NEK7: variants seen among roughly 807,000 people sequenced by gnomAD.
The protein encoded by NEK7 is NIMA related kinase 7.
NEK7 carries 18 observed loss-of-function variants against 44.6 expected under a neutral mutation model. The observed-to-expected ratio is 0.40, with a 90% CI of 0.28 to 0.60. NEK7 has a LOEUF of 0.60. Among genes scored for constraint, NEK7 ranks in the 20% least tolerant of loss-of-function variants. NEK7 has a pLI of 0.38. For synonymous variants in NEK7, 130 were observed against 121.1 expected (o/e 1.07, Z -0.48); for missense variants, 256 against 366.5 (o/e 0.70, Z 2.46).
intron 1 of NEK7, among the ~76,000 whole-genome samples, chr1:198,205,288 G>GA (rs1264358488): frequency 6.6e-6 from 1 of 152,166 alleles, no homozygotes; most frequent in Non-Finnish European, 1.5e-5. Flanking sequence ...GAACTAAACT[G>GA]AAAATAGAGT....
intron 9 of NEK7, among the ~76,000 whole-genome samples, chr1:198,309,902 A>T (rs567307931): frequency 1.3e-5 from 2 of 152,306 alleles, no homozygotes; most frequent in South Asian, 4.1e-4. Context: ...CGCAATAAAC[A>T]TAAGTGTGCA....
intron 4 of NEK7, among the ~76,000 whole-genome samples, chr1:198,263,723 C>A (rs1465288412): frequency 6.6e-6 from 1 of 151,730 alleles, no homozygotes; most frequent in Non-Finnish European, 1.5e-5. Context: ...CCATAACTTC[C>A]AAGTAGGAGT....
rs916197335 is a variant in NEK7 at position 198,193,931 on chromosome 1, C to T, written c.-29+36655C>T. On this transcript the variant is annotated intron_variant, in intron 1 of 9. Transcript: ENST00000367385. ...ACAAGGCAAGGAAGCCCTCTCTCAC[C>T]ACTCCTATTCAACATAGTATTGGAA... is the stretch of plus-strand genomic sequence containing the variant. Among the ~76,000 whole-genome samples the T allele has an allele frequency of 3.3e-5, 5 of 152,192 alleles. No homozygotes were observed. The East Asian group carries it at 5.8e-4, about 18-fold the overall frequency.
intron 5 of NEK7, among the ~76,000 whole-genome samples, chr1:198,270,182 A>G (rs933141907): frequency 5.3e-5 from 8 of 152,024 alleles, no homozygotes; most frequent in African/African-American, 1.9e-4. Context: ...ACTAAAATAT[A>G]TTTTAAATTT....
intron 5 of NEK7, among the ~76,000 whole-genome samples, chr1:198,273,303 G>A (rs1303888128): frequency 6.6e-6 from 1 of 151,684 alleles, no homozygotes; most frequent in African/African-American, 2.4e-5. Context: ...CTTATGCACT[G>A]TAAATTAGTG....
chr1:198,280,463 G>GCAGA (rs1350124698), intron 7 of NEK7, among the ~76,000 whole-genome samples: 15 of 151,976 alleles, frequency 9.9e-5, no homozygotes, highest in Non-Finnish European at 1.9e-4. Flanking sequence ...CTCTGAGCCT[G>GCAGA]CTGTAGTTAT....
chr1:198,207,934 T>C (rs552330727), intron 1 of NEK7, among the ~76,000 whole-genome samples: 1 of 152,340 alleles, frequency 6.6e-6, no homozygotes, highest in African/African-American at 2.4e-5. Context: ...TTCCCAGACA[T>C]CCTAATAGAA....
intron 1 of NEK7, among the ~76,000 whole-genome samples, chr1:198,218,986 G>A (rs1322933960): frequency 6.6e-6 from 1 of 151,802 alleles, no homozygotes; most frequent in East Asian, 1.9e-4. Flanking sequence ...CCACCTCTGT[G>A]GAAAACAATA....
intron 4 of NEK7, 43 bp downstream of exon 4, chr1:198,262,680 T>C: frequency 8.5e-7 from 1 of 1,179,112 alleles, no homozygotes; most frequent in South Asian, 1.4e-5. Flanking sequence ...AACATGGTGA[T>C]AAAAGTGATT....
intron 3 of NEK7, among the ~76,000 whole-genome samples, chr1:198,258,748 A>G (rs1653357801): frequency 6.6e-6 from 1 of 152,226 alleles, no homozygotes; most frequent in Non-Finnish European, 1.5e-5. Context: ...GCTCTTACCA[A>G]GTATAAAATG....
At chr1:198,192,766 G>A (rs1483685998) in intron 1 of NEK7, among the ~76,000 whole-genome samples, 2 of 152,102 alleles carry the variant, frequency 1.3e-5, no homozygotes, top group African/African-American at 4.8e-5. Context: ...TGAAACTAAT[G>A]AGAACAGAGA....
intron 9 of NEK7, among the ~76,000 whole-genome samples, chr1:198,298,039 G>A (rs1174084446): frequency 6.6e-6 from 1 of 152,114 alleles, no homozygotes; most frequent in Admixed American, 6.5e-5. Context: ...GAGGATGTAT[G>A]CAGAATAGCA....
At chr1:198,174,675 C>T (rs558697724) in intron 1 of NEK7, among the ~76,000 whole-genome samples, 1 of 152,196 alleles carries the variant, frequency 6.6e-6, no homozygotes, top group South Asian at 2.1e-4. Flanking sequence ...AGATCAGGGC[C>T]TCAGTTTCCT....
chr1:198,308,462 T>C (rs1039350698), intron 9 of NEK7, among the ~76,000 whole-genome samples: 16 of 152,182 alleles, frequency 1.1e-4, no homozygotes, highest in African/African-American at 3.9e-4. Context: ...AGGCCACACC[T>C]CCTTTAGTGT....
intron 5 of NEK7, among the ~76,000 whole-genome samples, chr1:198,269,518 A>G (rs967074909): frequency 3.9e-5 from 6 of 152,162 alleles, no homozygotes; most frequent in Non-Finnish European, 7.4e-5. Context: ...TTAAAGCTTT[A>G]CAAAGGACAG....
intron 9 of NEK7, among the ~76,000 whole-genome samples, chr1:198,297,610 A>G (rs975241520): frequency 6.6e-6 from 1 of 152,212 alleles, no homozygotes; most frequent in Non-Finnish European, 1.5e-5. Flanking sequence ...TTATTCTCAC[A>G]GTCCCAGACC....
At chr1:198,287,370 G>A (rs1437660325) in intron 7 of NEK7, among the ~76,000 whole-genome samples, 1 of 150,386 alleles carries the variant, frequency 6.6e-6, no homozygotes, top group Non-Finnish European at 1.5e-5. Context: ...CTCCAGCCTG[G>A]GCAACAGAGC....
chr1:198,209,069 A>G (rs1665687951), intron 1 of NEK7, among the ~76,000 whole-genome samples: 1 of 149,682 alleles, frequency 6.7e-6, no homozygotes, highest in Non-Finnish European at 1.5e-5. Context: ...ACACACACAC[A>G]TACGCACATA....
chr1:198,164,071 T>C (rs1664190238), intron 1 of NEK7, among the ~76,000 whole-genome samples: 1 of 152,042 alleles, frequency 6.6e-6, no homozygotes, highest in Admixed American at 6.6e-5. Context: ...CAAAACCCCA[T>C]CTTTACTAAA....
Sources: allele counts gnomAD v4.1 joint callset (sites outside exome capture counted in the v4.1 genomes callset), GRCh38; gene constraint gnomAD v4.1.1; transcripts MANE v1.5; gene names NCBI Gene and HGNC (gene_info 2026-07-23, HGNC 2026-07-21).